The following PSMD8 variants were observed in gnomAD, a reference collection of about 807,000 sequenced individuals.
The protein encoded by PSMD8 is proteasome 26S subunit, non-ATPase 8, also known as 26S proteasome non-ATPase regulatory subunit 8.
PSMD8 carries 30 observed loss-of-function variants against 40.0 expected under a neutral mutation model. That is an observed-to-expected ratio of 0.75 (90% CI 0.56 to 1.02). PSMD8 has a LOEUF of 1.02. Ranked by LOEUF, PSMD8 falls within the 50% of genes least tolerant of loss-of-function variation. The pLI is 0.00. For missense variants in PSMD8, 461 were observed against 463.9 expected (o/e 0.99, Z 0.06); for synonymous variants, 208 against 192.5 (o/e 1.08, Z -0.67).
chr19:38,381,734 G>A (rs533601729), intron 5 of PSMD8, among the ~76,000 whole-genome samples: 2 of 152,252 alleles, frequency 1.3e-5, no homozygotes, highest in East Asian at 3.9e-4. Flanking sequence ...TGTTCGTGGT[G>A]CCTCTTGATG....
chr19:38,377,301 A>G (rs1374652953), intron 3 of PSMD8, among the ~76,000 whole-genome samples: 1 of 144,700 alleles, frequency 6.9e-6, no homozygotes, highest in African/African-American at 2.6e-5. Context: ...CGGTACTCCT[A>G]CCTTAGCCTC....
chr19:38,383,155 A>G lies in PSMD8; in HGVS notation c.916-98A>G, dbSNP rs974497268. The G allele has an allele frequency of 1.3e-5, 19 of 1,495,242 alleles. No homozygotes were observed. The Admixed American group carries it at 3.3e-4, about 26-fold the overall frequency. The allele number at this position is 1,495,242 out of a possible 1,614,324, so 92.6% of individuals were successfully genotyped here. A position where few individuals can be genotyped will look rare whatever the true frequency, so the allele number is the denominator to read the frequency against. On this transcript the variant is annotated intron_variant, in intron 6 of 6. Coordinates refer to ENST00000215071, the MANE Select transcript of PSMD8 (RefSeq NM_002812.5). ...TTGGGCAGAGTACGATTGGTGAGAA[A>G]AGAGAGCATAGGACACGTGGGCAAG...
chr19:38,375,925 T>TCC (rs369416607), intron 1 of PSMD8, among the ~76,000 whole-genome samples: 11 of 152,326 alleles, frequency 7.2e-5, no homozygotes, highest in African/African-American at 2.4e-4. Context: ...GCACTGAGTG[T>TCC]CCCTCCTTGT....
intron 4 of PSMD8, 57 bp downstream of exon 4, chr19:38,379,462 C>A: frequency 6.4e-7 from 1 of 1,565,440 alleles, no homozygotes; most frequent in South Asian, 1.1e-5. Flanking sequence ...CAGGGGTGGT[C>A]TTAGGAGGGC....
rs1467013919 is a variant in PSMD8, at chr19:38,380,968, T to A, written c.772T>A (p.Phe258Ile). ...TAACATCCCCGCCGAGAGCTACACCTTCTTCATTGACATCCTGCTCGACAC... is the reference window on the plus strand; with the variant it reads ...TAACATCCCCGCCGAGAGCTACACCATCTTCATTGACATCCTGCTCGACAC... ...KGNIPAESYT[F>I]FIDILLDTIR... The change falls in exon 5 of 7, where the codon TTC becomes ATC. Residue 258 changes from phenylalanine (F) to isoleucine (I), a missense_variant. Phe to Ile is a conservative substitution (Grantham distance 21, BLOSUM62 0). This residue lies in a region of PSMD8 where 236 missense variants were observed against 321.2 expected (regional missense o/e 0.73). Transcript: ENST00000215071. 2.5e-6 allele frequency: 4 copies of A among 1,587,744 alleles called. No homozygotes were observed. The highest frequency in any genetic ancestry group is 3.4e-6 in the Non-Finnish European group (4 of 1,166,068).
Position 38,381,000 on chromosome 19 carries a change from G to GA in PSMD8, c.803+1_803+2insA. On this transcript the variant is annotated splice_donor_variant, in intron 5 of 6. Transcript: ENST00000215071. LOFTEE classifies it high-confidence loss of function. ...TTGACATCCTGCTCGACACTATCAG[G>GA]TGCGTAGCGGGGCCGGGCCCTGTGG... 2 of 1,566,914 alleles carry GA rather than the reference G, an allele frequency of 1.3e-6. No individual in the cohort carries two copies. The highest frequency in any genetic ancestry group is 1.7e-6 in the Non-Finnish European group (2 of 1,154,824).
chr19:38,375,098 G>C lies in PSMD8; in HGVS notation c.360+137G>C, dbSNP rs1036966496. On this transcript the variant is annotated intron_variant, in intron 1 of 6. Transcript: ENST00000215071. Reference sequence around the variant, plus strand: ...TGAGGCGGGCTGGGGGATCCGATGGGGTGAAAGATTTGGAACAGCCAAAGT... The same window carrying C: ...TGAGGCGGGCTGGGGGATCCGATGGCGTGAAAGATTTGGAACAGCCAAAGT... 5.7e-6 allele frequency: 8 copies of C among 1,396,160 alleles called. No individual in the cohort carries two copies. In the Admixed American group the frequency reaches 1.5e-4, roughly 27 times the overall value. The allele number at this position is 1,396,160 out of a possible 1,614,324, so 86.5% of individuals were successfully genotyped here.
At position 38,376,140 on chromosome 19, in the gene PSMD8, C is replaced by G; in HGVS notation, c.361-20C>G. ...TGAATTCCCTTCTTTTCTTTCTTCC[C>G]TCCCTCCCCTCCCCATCAGCTAGTT... On this transcript the variant is annotated intron_variant, in intron 1 of 6. Coordinates refer to ENST00000215071, the MANE Select transcript of PSMD8 (RefSeq NM_002812.5). The G allele has an allele frequency of 1.3e-6, 2 of 1,573,584 alleles. No homozygotes were observed. Among genetic ancestry groups the G allele is most frequent in the Non-Finnish European group, 1.7e-6 (2 of 1,148,116 alleles).
intron 3 of PSMD8, among the ~76,000 whole-genome samples, chr19:38,376,733 A>C (rs1487071065): frequency 6.6e-6 from 1 of 151,818 alleles, no homozygotes; most frequent in Non-Finnish European, 1.5e-5. Context: ...TCTGACTCAA[A>C]CCCCTGTGGC....
At chr19:38,377,549 T>G (rs1304818549) in intron 3 of PSMD8, among the ~76,000 whole-genome samples, 1 of 151,680 alleles carries the variant, frequency 6.6e-6, no homozygotes, top group Non-Finnish European at 1.5e-5. Context: ...CAGGCTGGAG[T>G]GCAATGGTGC....
intron 3 of PSMD8, 90 bp downstream of exon 3, chr19:38,376,544 C>A: frequency 8.8e-7 from 1 of 1,131,584 alleles, no homozygotes; most frequent in Non-Finnish European, 1.3e-6. Flanking sequence ...CCTCTTCCTT[C>A]ATCTGGGAAC....
chr19:38,376,999 G>A (rs1371899374), intron 3 of PSMD8, among the ~76,000 whole-genome samples: 1 of 152,224 alleles, frequency 6.6e-6, no homozygotes, highest in Non-Finnish European at 1.5e-5. Flanking sequence ...ACAGGGCCAG[G>A]CCCAGAACAG....
intron 3 of PSMD8, 51 bp from the exon 4 acceptor site, chr19:38,379,189 C>T (rs369607015): frequency 1.1e-5 from 17 of 1,572,756 alleles, no homozygotes; most frequent in African/African-American, 4.1e-5. Context: ...GTAGAGGGCT[C>T]GCTAGGCCCT....
rs1970611104 is a variant in PSMD8 at position 38,377,998 on chromosome 19, C to T, written c.537-1242C>T. Among the ~76,000 whole-genome samples, 5 of 152,234 alleles carry T rather than the reference C, an allele frequency of 3.3e-5. No individual in the cohort carries two copies. In the South Asian group the frequency reaches 1.0e-3, roughly 31 times the overall value. ...GTGTTTATTTGGGCCAGGTATTGTT[C>T]TAATCACCTTACCTGGGTTGAATCA... On this transcript the variant is annotated intron_variant, in intron 3 of 6. Transcript: ENST00000215071.
Position 38,380,955 on chromosome 19 carries a change from C to G in PSMD8, c.759C>G (p.Ala253=). Residue 253 remains alanine, a synonymous_variant, in exon 5 of 7, where the codon GCC becomes GCG. Transcript: ENST00000215071. ...KVFLAKGNIP[A]ESYTFFIDIL... ...TCCTGGCCAAGGGTAACATCCCCGC[C>G]GAGAGCTACACCTTCTTCATTGACA... is the stretch of plus-strand genomic sequence containing the variant. 1 of 1,591,180 alleles carries G rather than the reference C, an allele frequency of 6.3e-7. No homozygotes were observed. Among genetic ancestry groups the G allele is most frequent in the Non-Finnish European group, 8.6e-7 (1 of 1,167,952 alleles).
At chr19:38,382,737 T>C (rs555728209) in intron 6 of PSMD8, 1 of 188,186 alleles carries the variant, frequency 5.3e-6, no homozygotes, top group South Asian at 1.3e-4. Flanking sequence ...TGAAACCTCA[T>C]CTCTACTAAA....
At chr19:38,378,973 C>T (rs1365103046) in intron 3 of PSMD8, among the ~76,000 whole-genome samples, 6 of 152,072 alleles carry the variant, frequency 3.9e-5, no homozygotes, top group Admixed American at 6.5e-5. Flanking sequence ...TAAAAGGATA[C>T]TATGGTGATA....
chr19:38,383,145 T>C (rs1568389092), intron 6 of PSMD8, 108 bp from the exon 7 acceptor site: 4 of 1,433,186 alleles, frequency 2.8e-6, no homozygotes, highest in East Asian at 2.4e-5. Flanking sequence ...CAGAGTACGA[T>C]TGGTGAGAAA....
At chr19:38,377,240 G>A (rs565225703) in intron 3 of PSMD8, among the ~76,000 whole-genome samples, 1 of 152,100 alleles carries the variant, frequency 6.6e-6, no homozygotes, top group Non-Finnish European at 1.5e-5. Context: ...CCAGGCTGGA[G>A]TGCAGTGGTG....
Sources: gnomAD v4.1 joint callset for allele counts (sites outside exome capture counted in the v4.1 genomes callset) on GRCh38, gnomAD v4.1.1 for gene constraint, gnomAD v4.1.1 regional missense constraint, MANE v1.5 for transcripts, NCBI Gene and HGNC (gene_info 2026-07-23, HGNC 2026-07-21) for gene names.